Variants in RALYL observed in about 807,000 individuals in gnomAD.
RALYL encodes the protein RNA-binding Raly-like protein.
In RALYL, 29 loss-of-function variants were observed where a neutral mutation model predicts 35.1. The observed-to-expected ratio is 0.83, with a 90% CI of 0.61 to 1.13. RALYL has a LOEUF of 1.13. Among genes scored for constraint, RALYL ranks in the 50% most tolerant of loss-of-function variants. RALYL has a pLI of 0.00. For missense variants in RALYL, 359 were observed against 360.4 expected (o/e 1.00, Z 0.03); for synonymous variants, 120 against 127.6 (o/e 0.94, Z 0.40).
chr8:84,707,954 G>C (rs563577878), intron 2 of RALYL, among the ~76,000 whole-genome samples: 1 of 151,982 alleles, frequency 6.6e-6, no homozygotes, highest in South Asian at 2.1e-4. Flanking sequence ...CATATAAAAG[G>C]CATAAACTTA....
At chr8:84,432,554 T>C (rs943617893) in intron 1 of RALYL, among the ~76,000 whole-genome samples, 1 of 152,132 alleles carries the variant, frequency 6.6e-6, no homozygotes, top group Non-Finnish European at 1.5e-5. Flanking sequence ...ATGGGTTGAA[T>C]TGTGTCCCCC....
chr8:84,373,902 T>A (rs760130856), intron 1 of RALYL, among the ~76,000 whole-genome samples: 2 of 151,764 alleles, frequency 1.3e-5, no homozygotes, highest in Non-Finnish European at 2.9e-5. Flanking sequence ...TGTTTTGTAT[T>A]TCTCCTTTTA....
At chr8:84,614,870 G>A (rs1457012647) in intron 2 of RALYL, among the ~76,000 whole-genome samples, 1 of 148,828 alleles carries the variant, frequency 6.7e-6, no homozygotes, top group Non-Finnish European at 1.5e-5. Flanking sequence ...CCACAGAACA[G>A]TTTCCCCAGA....
chr8:84,743,749 A>G (rs1039480914), intron 2 of RALYL, among the ~76,000 whole-genome samples: 1 of 152,120 alleles, frequency 6.6e-6, no homozygotes, highest in African/African-American at 2.4e-5. Context: ...GAGAAATATT[A>G]TGCAGCCTTA....
intron 1 of RALYL, among the ~76,000 whole-genome samples, chr8:84,195,600 T>G (rs1415587440): frequency 6.6e-6 from 1 of 152,198 alleles, no homozygotes; most frequent in Non-Finnish European, 1.5e-5. Flanking sequence ...TTCTTTGGGT[T>G]ATTAAGGCAC....
chr8:84,575,756 A>G (rs1056959742), intron 2 of RALYL, among the ~76,000 whole-genome samples: 1 of 152,108 alleles, frequency 6.6e-6, no homozygotes, highest in Non-Finnish European at 1.5e-5. Context: ...GATTTTGGCA[A>G]CCTAAATCTG....
chr8:84,716,009 T>C lies in RALYL; in HGVS notation c.257-58570T>C, dbSNP rs549256784. Reference sequence around the variant, plus strand: ...TATGTGGCATATATTTTTGTAATGTTCCATGCCTTGGGCTACCTATCATTG... The same window carrying C: ...TATGTGGCATATATTTTTGTAATGTCCCATGCCTTGGGCTACCTATCATTG... On this transcript the variant is annotated intron_variant, in intron 2 of 8. Transcript: ENST00000521268. Among the ~76,000 whole-genome samples the C allele has an allele frequency of 4.6e-5, 7 of 152,286 alleles. No individual in the cohort carries two copies. In the South Asian group the frequency reaches 1.2e-3, roughly 27 times the overall value.
rs1250649157 is a variant in RALYL, at chr8:84,650,772, C to T, written c.256+121195C>T. On this transcript the variant is annotated intron_variant, in intron 2 of 8. Transcript: ENST00000521268. ...ATGCTGCTATAAAGACACATGCACA[C>T]GTATGTTTATTGCAGCACTATTCAC... Among the ~76,000 whole-genome samples, 56 of 151,706 alleles carry T rather than the reference C, an allele frequency of 3.7e-4. No homozygotes were observed. The East Asian group carries it at 4.6e-3, about 13-fold the overall frequency.
chr8:84,500,149 TATA>T (rs1325603181), intron 1 of RALYL, among the ~76,000 whole-genome samples: 2 of 152,184 alleles, frequency 1.3e-5, no homozygotes, highest in Non-Finnish European at 2.9e-5. Flanking sequence ...GACAAATTTC[TATA>T]AAATTGAAAT....
intron 4 of RALYL, among the ~76,000 whole-genome samples, chr8:84,844,693 A>C (rs553524793): frequency 6.6e-6 from 1 of 152,166 alleles, no homozygotes; most frequent in Non-Finnish European, 1.5e-5. Context: ...AGCACTATTC[A>C]CAATGGCAAA....
At chr8:84,593,393 G>A (rs1318412394) in intron 2 of RALYL, among the ~76,000 whole-genome samples, 1 of 151,960 alleles carries the variant, frequency 6.6e-6, no homozygotes, top group African/African-American at 2.4e-5. Flanking sequence ...TTAGAGTCCT[G>A]AATAAAAAAT....
intron 4 of RALYL, among the ~76,000 whole-genome samples, chr8:84,811,889 C>T (rs1203049531): frequency 6.6e-6 from 1 of 152,078 alleles, no homozygotes; most frequent in Non-Finnish European, 1.5e-5. Flanking sequence ...TTATGTATTT[C>T]CTTGAATATT....
intron 2 of RALYL, among the ~76,000 whole-genome samples, chr8:84,699,903 G>A (rs16913131): frequency 0.074 from 11,254 of 152,050 alleles, 1,007 homozygotes; most frequent in African/African-American, 0.21. Flanking sequence ...GAAGGGAGGT[G>A]AATTATTTAC....
rs116802203 is a variant in RALYL at position 84,448,957 on chromosome 8, T to A, written c.-23-80342T>A. ...CTGCAGCCTGATTATAGGTAACTTTTATCCTCAGGTGTCATGTTAATATGC... is the reference window on the plus strand; with the variant it reads ...CTGCAGCCTGATTATAGGTAACTTTAATCCTCAGGTGTCATGTTAATATGC... On this transcript the variant is annotated intron_variant, in intron 1 of 8. Transcript: ENST00000521268. Among the ~76,000 whole-genome samples the A allele has an allele frequency of 3.5e-3, 536 of 152,136 alleles. 2 individuals are homozygous for A. The highest frequency in any genetic ancestry group is 0.012 in the African/African-American group (504 of 41,532).
At chr8:84,385,424 T>C (rs1563828947) in intron 1 of RALYL, among the ~76,000 whole-genome samples, 1 of 151,786 alleles carries the variant, frequency 6.6e-6, no homozygotes, top group Non-Finnish European at 1.5e-5. Context: ...AAATGAACCT[T>C]AAATATGATA....
intron 1 of RALYL, among the ~76,000 whole-genome samples, chr8:84,348,065 G>T (rs547699109): frequency 1.6e-4 from 24 of 152,104 alleles, no homozygotes; most frequent in Non-Finnish European, 3.2e-4. Context: ...TGATCAGTTG[G>T]CAGCCTGTGA....
intron 1 of RALYL, among the ~76,000 whole-genome samples, chr8:84,241,901 A>G (rs1827999242): frequency 6.6e-6 from 1 of 152,010 alleles, no homozygotes; most frequent in African/African-American, 2.4e-5. Context: ...AGTGTGTTAC[A>G]TAGGTAAACA....
At chr8:84,585,711 A>G (rs183622334) in intron 2 of RALYL, among the ~76,000 whole-genome samples, 1 of 152,210 alleles carries the variant, frequency 6.6e-6, no homozygotes, top group East Asian at 1.9e-4. Flanking sequence ...TTTTTTATAC[A>G]TTAACAAATA....
At chr8:84,688,159 T>C (rs965911) in intron 2 of RALYL, among the ~76,000 whole-genome samples, 11,271 of 151,992 alleles carry the variant, frequency 0.074, 1,013 homozygotes, top group African/African-American at 0.21. Context: ...ATTTGTAATA[T>C]GAAACAATGC....
Sources: allele counts gnomAD v4.1 joint callset (sites outside exome capture counted in the v4.1 genomes callset), GRCh38; gene constraint gnomAD v4.1.1; transcripts MANE v1.5; gene names NCBI Gene and HGNC (gene_info 2026-07-23, HGNC 2026-07-21).